GRIK2: variants seen among roughly 807,000 people sequenced by gnomAD.
The protein encoded by GRIK2 is glutamate receptor ionotropic, kainate 2.
GRIK2 carries 32 observed loss-of-function variants against 100.3 expected under a neutral mutation model. The ratio of observed to expected loss-of-function variants is 0.32; its 90% CI spans 0.24 to 0.43. The LOEUF is 0.43. GRIK2 is among the 20% of genes least tolerant of loss of function. GRIK2 has a pLI of 1.00. For missense variants in GRIK2, 843 were observed against 1,114.9 expected, an observed-to-expected ratio of 0.76 and a Z score of 3.47; for synonymous variants, 417 against 389.4, an observed-to-expected ratio of 1.07 and a Z score of -0.83.
intron 7 of GRIK2, among the ~76,000 whole-genome samples, chr6:101,716,568 G>A (rs1206725934): frequency 7.5e-6 from 1 of 133,122 alleles, no homozygotes; most frequent in African/African-American, 2.8e-5. Context: ...GCCCTTATAG[G>A]TGTTGAGCTT....
chr6:101,520,668 G>A (rs1223599677), intron 2 of GRIK2, among the ~76,000 whole-genome samples: 2 of 151,962 alleles, frequency 1.3e-5, no homozygotes, highest in Admixed American at 1.3e-4. Flanking sequence ...TTCTTTCTGA[G>A]AAAATAGCAG....
chr6:101,825,561 C>T (rs1301408705), intron 10 of GRIK2, among the ~76,000 whole-genome samples: 6 of 151,828 alleles, frequency 4.0e-5, no homozygotes, highest in Admixed American at 3.9e-4. Flanking sequence ...TTCCTTTGTC[C>T]TTTATTAAAT....
At chr6:101,512,413 T>A (rs1774368314) in intron 2 of GRIK2, among the ~76,000 whole-genome samples, 1 of 152,060 alleles carries the variant, frequency 6.6e-6, no homozygotes, top group Non-Finnish European at 1.5e-5. Flanking sequence ...GCTGTATGAC[T>A]GAAAAATGCT....
At chr6:101,468,977 A>T (rs1346083367) in intron 2 of GRIK2, among the ~76,000 whole-genome samples, 3 of 152,120 alleles carry the variant, frequency 2.0e-5, no homozygotes, top group Admixed American at 6.5e-5. Flanking sequence ...ATCCCAGAAT[A>T]CTGCTTCAGT....
chr6:101,438,823 T>C (rs1013462480), intron 2 of GRIK2, among the ~76,000 whole-genome samples: 39 of 152,190 alleles, frequency 2.6e-4, no homozygotes, highest in Admixed American at 1.3e-3. Context: ...CAGATGACAA[T>C]TGAATTCCTG....
chr6:101,720,382 A>T (rs1000724258), intron 7 of GRIK2, among the ~76,000 whole-genome samples: 3 of 151,964 alleles, frequency 2.0e-5, no homozygotes, highest in Non-Finnish European at 4.4e-5. Context: ...TATATGTTGA[A>T]TATGCTTATC....
chr6:101,610,222 CTTAAAG>C (rs1424356168), intron 2 of GRIK2, among the ~76,000 whole-genome samples: 1 of 151,376 alleles, frequency 6.6e-6, no homozygotes, highest in Non-Finnish European at 1.5e-5. Context: ...AAGGACCTAT[CTTAAAG>C]TTATAGTCCA....
At chr6:101,686,103 A>T (rs953948238) in intron 6 of GRIK2, 77 bp from the exon 7 acceptor site, 2 of 1,260,394 alleles carry the variant, frequency 1.6e-6, no homozygotes, top group Non-Finnish European at 2.2e-6. Context: ...AAAAACAAAA[A>T]AAGTGACTAT....
chr6:102,033,504 T>G (rs1770107720), intron 14 of GRIK2, among the ~76,000 whole-genome samples: 1 of 151,316 alleles, frequency 6.6e-6, no homozygotes, highest in Non-Finnish European at 1.5e-5. Flanking sequence ...CTTCAATAAA[T>G]TCTACTTTTT....
chr6:101,976,544 C>G (rs1360336121), intron 14 of GRIK2, among the ~76,000 whole-genome samples: 1 of 151,596 alleles, frequency 6.6e-6, no homozygotes, highest in Non-Finnish European at 1.5e-5. Context: ...AAAATATTAG[C>G]CAGGCATGGT....
At chr6:101,565,931 ATGTG>A (rs146962531) in intron 2 of GRIK2, among the ~76,000 whole-genome samples, 2,366 of 65,154 alleles carry the variant, frequency 0.036, 57 homozygotes, top group Admixed American at 0.057. Flanking sequence ...ATATATATAT[ATGTG>A]TATATATATA....
intron 4 of GRIK2, among the ~76,000 whole-genome samples, chr6:101,635,662 G>GA (rs1302772514): frequency 6.6e-6 from 1 of 151,188 alleles, no homozygotes; most frequent in Admixed American, 6.6e-5. Flanking sequence ...TTTACAAGAA[G>GA]AAAAAACCCT....
intron 9 of GRIK2, among the ~76,000 whole-genome samples, chr6:101,815,396 C>G (rs1296780224): frequency 6.6e-6 from 1 of 152,062 alleles, no homozygotes; most frequent in African/African-American, 2.4e-5. Context: ...TTTTCTATAG[C>G]TCCTTATGAC....
chr6:101,758,970 A>G (rs992851501), intron 7 of GRIK2, among the ~76,000 whole-genome samples: 2 of 152,214 alleles, frequency 1.3e-5, no homozygotes, highest in Non-Finnish European at 2.9e-5. Context: ...AAAATATTTT[A>G]AACTGTAAGT....
In GRIK2 at chr6:101,602,981, G is replaced by T. The variant is rs137974000; in HGVS notation, c.116-18968G>T. Among the ~76,000 whole-genome samples, 852 of 151,720 alleles carry T rather than the reference G, an allele frequency of 5.6e-3. 7 individuals are homozygous for T. The highest frequency in any genetic ancestry group is 8.8e-3 in the Non-Finnish European group (598 of 67,740). ...ATATCTTCTACTTTCTTATAGCAGGGTCTTACAGAAATGCTCAACCTACTT... is the reference window on the plus strand; with the variant it reads ...ATATCTTCTACTTTCTTATAGCAGGTTCTTACAGAAATGCTCAACCTACTT... On this transcript the variant is annotated intron_variant, in intron 2 of 16. Coordinates refer to ENST00000369134, the MANE Select transcript of GRIK2 (RefSeq NM_021956.5).
At chr6:101,632,698 C>T (rs369813977) in intron 4 of GRIK2, among the ~76,000 whole-genome samples, 7 of 151,848 alleles carry the variant, frequency 4.6e-5, no homozygotes, top group Admixed American at 6.6e-5. Context: ...TTTCTGTATA[C>T]CAGCTGCTAT....
chr6:101,801,534 C>A (rs904383346), intron 8 of GRIK2, among the ~76,000 whole-genome samples: 1 of 151,774 alleles, frequency 6.6e-6, no homozygotes, highest in Admixed American at 6.6e-5. Context: ...ATATTTACTT[C>A]TTTTGGGTCT....
intron 2 of GRIK2, among the ~76,000 whole-genome samples, chr6:101,504,801 C>T (rs1773939192): frequency 6.6e-6 from 1 of 151,928 alleles, no homozygotes; most frequent in Non-Finnish European, 1.5e-5. Context: ...TTTATGTAGC[C>T]TAGGATCCTC....
At chr6:101,850,252 A>AC (rs1165695231) in intron 10 of GRIK2, among the ~76,000 whole-genome samples, 8 of 151,888 alleles carry the variant, frequency 5.3e-5, no homozygotes, top group Admixed American at 3.3e-4. Flanking sequence ...AAGGGCAGGA[A>AC]TTTTTCTATG....
Sources: gnomAD v4.1 joint callset for allele counts (sites outside exome capture counted in the v4.1 genomes callset) on GRCh38, gnomAD v4.1.1 for gene constraint, MANE v1.5 for transcripts, NCBI Gene and HGNC (gene_info 2026-07-23, HGNC 2026-07-21) for gene names.